The following SLCO3A1 variants were observed in gnomAD, a reference collection of about 807,000 sequenced individuals.
The protein encoded by SLCO3A1 is PGE1 transporter.
In SLCO3A1, 27 loss-of-function variants were observed where a neutral mutation model predicts 63.1. The ratio of observed to expected loss-of-function variants is 0.43; its 90% CI spans 0.32 to 0.59. SLCO3A1 has a LOEUF of 0.59. Ranked by LOEUF, SLCO3A1 falls within the 20% of genes least tolerant of loss-of-function variation. The pLI is 0.09. For synonymous variants in SLCO3A1, 473 were observed against 409.9 expected (o/e 1.15, Z -1.86); for missense variants, 773 against 945.8 (o/e 0.82, Z 2.40).
chr15:91,902,595 C>A (rs117974184), intron 1 of SLCO3A1, among the ~76,000 whole-genome samples: 1 of 152,054 alleles, frequency 6.6e-6, no homozygotes, highest in African/African-American at 2.4e-5. Context: ...ACCAGATTCC[C>A]ACTGATCTAT....
chr15:91,877,928 C>T (rs752281467), intron 1 of SLCO3A1, among the ~76,000 whole-genome samples: 60 of 151,954 alleles, frequency 3.9e-4, no homozygotes, highest in Non-Finnish European at 8.8e-5. Flanking sequence ...GTGATGGGGC[C>T]ACACAGGGAG....
At chr15:92,110,564 G>T (rs117904467) in intron 4 of SLCO3A1, among the ~76,000 whole-genome samples, 4,129 of 152,106 alleles carry the variant, frequency 0.027, 83 homozygotes, top group Admixed American at 0.042. Flanking sequence ...CCCTCTACTG[G>T]AATTCTCATT....
chr15:92,171,617 G>T (rs2048521858), intron 10 of SLCO3A1: 2 of 600,166 alleles, frequency 3.3e-6, no homozygotes, highest in Non-Finnish European at 6.0e-6. Flanking sequence ...GGTCCCTTGG[G>T]GTTACATGGA....
At chr15:92,129,149 C>T (rs183706697) in intron 7 of SLCO3A1, among the ~76,000 whole-genome samples, 48 of 152,288 alleles carry the variant, frequency 3.2e-4, no homozygotes, top group African/African-American at 1.1e-3. Context: ...GTGGAGGCCC[C>T]GCCCCCATCT....
chr15:92,108,032 A>G (rs1192598405), intron 4 of SLCO3A1, among the ~76,000 whole-genome samples: 1 of 152,190 alleles, frequency 6.6e-6, no homozygotes, highest in African/African-American at 2.4e-5. Flanking sequence ...TTTTCAGAAC[A>G]TTCCCCTAAA....
intron 2 of SLCO3A1, among the ~76,000 whole-genome samples, chr15:91,927,256 T>C (rs1208916292): frequency 6.6e-6 from 1 of 152,216 alleles, no homozygotes; most frequent in African/African-American, 2.4e-5. Flanking sequence ...GCAGATTTTC[T>C]GTGCTGGTTT....
intron 2 of SLCO3A1, among the ~76,000 whole-genome samples, chr15:92,052,472 C>A (rs886683796): frequency 7.2e-5 from 11 of 152,118 alleles, no homozygotes; most frequent in African/African-American, 2.4e-4. Context: ...TCATCCAGTC[C>A]AAATGCCAGG....
intron 2 of SLCO3A1, among the ~76,000 whole-genome samples, chr15:91,989,919 G>A (rs371792086): frequency 1.7e-4 from 26 of 152,212 alleles, no homozygotes; most frequent in African/African-American, 6.0e-4. Flanking sequence ...GAAAGATTAT[G>A]AGAATGAAAA....
At position 91,885,987 on chromosome 15, in the gene SLCO3A1, G is replaced by A. The variant is rs548591792; in HGVS notation, c.181-30006G>A. 6.6e-5 allele frequency among the ~76,000 whole-genome samples: 10 copies of A among 152,226 alleles called. No homozygotes were observed. The highest frequency in any genetic ancestry group is 9.6e-5 in the African/African-American group (4 of 41,534). ...CTCTAGCAGAGAGGGTGAGAGGGAG[G>A]CAGGGGAAGATGAAAGCAGAGAGGT... On this transcript the variant is annotated intron_variant, in intron 1 of 9. Coordinates refer to ENST00000318445, the MANE Select transcript of SLCO3A1 (RefSeq NM_013272.4). This position sits in a 1 kb window ranked among gnomAD's most constrained non-coding sequence, Gnocchi z 4.7.
intron 2 of SLCO3A1, among the ~76,000 whole-genome samples, chr15:91,998,004 A>G (rs2046211677): frequency 6.6e-6 from 1 of 152,240 alleles, no homozygotes; most frequent in Non-Finnish European, 1.5e-5. Flanking sequence ...AAACAAATTA[A>G]CTAAAGAGCT....
intron 2 of SLCO3A1, among the ~76,000 whole-genome samples, chr15:91,943,694 C>G (rs1899701273): frequency 6.6e-6 from 1 of 152,174 alleles, no homozygotes; most frequent in Non-Finnish European, 1.5e-5. Flanking sequence ...ATTTTCATGT[C>G]TCATTGTTGA....
chr15:92,028,545 G>T (rs1597236552), intron 2 of SLCO3A1, among the ~76,000 whole-genome samples: 1 of 152,272 alleles, frequency 6.6e-6, no homozygotes, highest in Non-Finnish European at 1.5e-5. Flanking sequence ...GGAGAGAAAA[G>T]ACACAAATTC....
Position 92,164,778 on chromosome 15 carries a change from A to AATC in SLCO3A1, c.*1645_*1647dup. 1.0e-6 allele frequency: 1 copy of AATC among 985,398 alleles called. No individual in the cohort carries two copies. The highest frequency in any genetic ancestry group is 1.2e-6 in the Non-Finnish European group (1 of 829,942). The allele number at this position is 985,398 out of a possible 1,614,324, so 61.0% of individuals were successfully genotyped here. ...TGAACCTGTTATGATTTGGGGTAAG[A>AATC]ATCACGTTGGAAAACCTCTCGCAAC... On this transcript the variant is annotated 3_prime_UTR_variant, in exon 10 of 10. Transcript: ENST00000318445.
chr15:91,983,856 A>G (rs768413782), intron 2 of SLCO3A1, among the ~76,000 whole-genome samples: 5 of 152,236 alleles, frequency 3.3e-5, no homozygotes, highest in African/African-American at 1.2e-4. Flanking sequence ...TATTCAACCC[A>G]TGTCACATTC....
rs1462452293 is a variant in SLCO3A1, at chr15:92,165,694, A to C, written c.*2559A>C. 2.0e-6 allele frequency: 2 copies of C among 985,142 alleles called. No homozygotes were observed. The highest frequency in any genetic ancestry group is 4.7e-5 in the South Asian group (1 of 21,288). The allele number at this position is 985,142 out of a possible 1,614,324, so 61.0% of individuals were successfully genotyped here. A position where few individuals can be genotyped will look rare whatever the true frequency, so the allele number is the denominator to read the frequency against. On this transcript the variant is annotated 3_prime_UTR_variant, in exon 10 of 10. Coordinates refer to ENST00000318445, the MANE Select transcript of SLCO3A1 (RefSeq NM_013272.4). ...TGAATTCTGTTGTGTCGTCTTTTAA[A>C]ATTTTAATTATTCTCATATAGTACC...
At chr15:92,156,798 G>T (rs1253973872) in intron 9 of SLCO3A1, among the ~76,000 whole-genome samples, 1 of 135,244 alleles carries the variant, frequency 7.4e-6, no homozygotes, top group East Asian at 2.0e-4. Flanking sequence ...GAGAGAAACA[G>T]ATATCTTTTT....
intron 2 of SLCO3A1, among the ~76,000 whole-genome samples, chr15:92,006,256 G>A (rs1399136772): frequency 6.6e-6 from 1 of 152,148 alleles, no homozygotes; most frequent in African/African-American, 2.4e-5. Context: ...GGGCCTGTTC[G>A]CCATCCTGGT....
chr15:92,010,476 C>T (rs1202158007), intron 2 of SLCO3A1, among the ~76,000 whole-genome samples: 1 of 152,106 alleles, frequency 6.6e-6, no homozygotes, highest in Non-Finnish European at 1.5e-5. Flanking sequence ...ATTAACAGCT[C>T]ATGCATATTA....
chr15:91,958,967 C>A (rs911984268), intron 2 of SLCO3A1, among the ~76,000 whole-genome samples: 2 of 152,142 alleles, frequency 1.3e-5, no homozygotes, highest in African/African-American at 4.8e-5. Context: ...GACACATGCA[C>A]ACACATGTTT....
Sources: gnomAD v4.1 joint callset for allele counts (sites outside exome capture counted in the v4.1 genomes callset) on GRCh38, gnomAD v4.1.1 for gene constraint, Gnocchi (gnomAD v3.1) non-coding constraint, MANE v1.5 for transcripts, NCBI Gene and HGNC (gene_info 2026-07-23, HGNC 2026-07-21) for gene names.